The following UPF3A variants were observed in gnomAD, a reference collection of about 807,000 sequenced individuals.
The protein encoded by UPF3A is regulator of nonsense transcripts 3A.
A neutral mutation model predicts 53.5 loss-of-function variants in UPF3A; 42 were observed. The observed-to-expected ratio is 0.78, with a 90% CI of 0.61 to 1.01. The LOEUF is 1.01. UPF3A is among the 50% of genes least tolerant of loss of function. UPF3A has a pLI of 0.00. For synonymous variants in UPF3A, 237 were observed against 225.3 expected, an observed-to-expected ratio of 1.05 and a Z score of -0.47; for missense variants, 575 against 598.0, an observed-to-expected ratio of 0.96 and a Z score of 0.40.
intron 7 of UPF3A, among the ~76,000 whole-genome samples, chr13:114,292,059 C>T (rs761923882): frequency 1.7e-4 from 26 of 151,680 alleles, no homozygotes; most frequent in Non-Finnish European, 3.1e-4. Context: ...AGGAGCCCCA[C>T]GCTGGCACAC....
Position 114,282,137 on chromosome 13 carries a change from G to T in UPF3A, c.314+10G>T. 6.5e-7 allele frequency: 1 copy of T among 1,544,506 alleles called. No homozygotes were observed. On this transcript the variant is annotated intron_variant, in intron 2 of 9. Coordinates refer to ENST00000375299, the MANE Select transcript of UPF3A (RefSeq NM_023011.4). ...TCGCCGCCGACCTGAGGTGAGGCCCGCCCCGAGGGGAGGAAGAGAGGGCGG... is the reference window on the plus strand; with the variant it reads ...TCGCCGCCGACCTGAGGTGAGGCCCTCCCCGAGGGGAGGAAGAGAGGGCGG...
In UPF3A at chr13:114,296,330, C is replaced by G. The variant is rs368969377; in HGVS notation, c.847-2510C>G. Among the ~76,000 whole-genome samples the G allele has an allele frequency of 2.0e-5, 3 of 152,102 alleles. No individual in the cohort carries two copies. The South Asian group carries it at 6.2e-4, about 32-fold the overall frequency. Reference sequence around the variant, plus strand: ...CCCAGGAGGCGAAGGTACAGTGAGCCGAGATCGCGTCACTGCAGTCTAGCT... The same window carrying G: ...CCCAGGAGGCGAAGGTACAGTGAGCGGAGATCGCGTCACTGCAGTCTAGCT... On this transcript the variant is annotated intron_variant, in intron 7 of 9. Coordinates refer to ENST00000375299, the MANE Select transcript of UPF3A (RefSeq NM_023011.4).
intron 7 of UPF3A, among the ~76,000 whole-genome samples, chr13:114,293,539 G>T (rs1265809619): frequency 6.6e-6 from 1 of 152,090 alleles, no homozygotes; most frequent in Non-Finnish European, 1.5e-5. Flanking sequence ...TTCTGTGACT[G>T]ATACATTCAT....
intron 2 of UPF3A, 90 bp downstream of exon 2, chr13:114,282,217 T>A: frequency 8.8e-7 from 1 of 1,130,288 alleles, no homozygotes; most frequent in Non-Finnish European, 1.2e-6. Flanking sequence ...CTTACCCTGA[T>A]TTCTCCTATA....
At chr13:114,292,615 C>T (rs1294116492) in intron 7 of UPF3A, among the ~76,000 whole-genome samples, 2 of 148,944 alleles carry the variant, frequency 1.3e-5, no homozygotes, top group Admixed American at 6.6e-5. Flanking sequence ...CGGTTCAAGG[C>T]GTACACGTGC....
At chr13:114,286,066 C>T (rs2084654793) in intron 3 of UPF3A, 2 of 486,974 alleles carry the variant, frequency 4.1e-6, no homozygotes, top group East Asian at 6.5e-5. Flanking sequence ...AGGAGTTCAT[C>T]CTTGTTTAAG....
intron 8 of UPF3A, among the ~76,000 whole-genome samples, 173 bp downstream of exon 8, chr13:114,299,173 G>A (rs944507545): frequency 1.3e-5 from 2 of 152,134 alleles, no homozygotes; most frequent in Non-Finnish European, 1.5e-5. Context: ...TAGTGAACTC[G>A]TCTTGTCTGC....
rs1220527383 is a variant in UPF3A at position 114,281,632 on chromosome 13, AGT to A, written c.-6_-5del. On this transcript the variant is annotated 5_prime_UTR_variant, in exon 1 of 10. Transcript: ENST00000375299. ...GGCTGGCGGCTGCGGCTCGGCGGAG[AGT>A]GCGGCATGCGCTCGGAAAAGGAGGG... 4.9e-6 allele frequency: 7 copies of A among 1,426,648 alleles called. No homozygotes were observed. In the African/African-American group the frequency reaches 1.0e-4, roughly 21 times the overall value. 88.4% of individuals were successfully genotyped at this position (1,426,648 alleles called of 1,614,324 possible). A position where few individuals can be genotyped will look rare whatever the true frequency, so the allele number is the denominator to read the frequency against.
At chr13:114,288,858 T>G (rs2084995006) in intron 5 of UPF3A, among the ~76,000 whole-genome samples, 1 of 152,156 alleles carries the variant, frequency 6.6e-6, no homozygotes, top group Non-Finnish European at 1.5e-5. Flanking sequence ...GAGATTTCAC[T>G]TAAGAACTTG....
At chr13:114,295,617 C>G (rs1474427217) in intron 7 of UPF3A, among the ~76,000 whole-genome samples, 1 of 152,248 alleles carries the variant, frequency 6.6e-6, no homozygotes, top group Non-Finnish European at 1.5e-5. Flanking sequence ...GCTTTACTCT[C>G]CCTTCATGTC....
At chr13:114,298,691 A>G (rs576275006) in intron 7 of UPF3A, 149 bp from the exon 8 acceptor site, 2 of 817,792 alleles carry the variant, frequency 2.4e-6, no homozygotes, top group Admixed American at 3.7e-5. Context: ...GTATTAAACC[A>G]AAAACCTCAT....
intron 5 of UPF3A, among the ~76,000 whole-genome samples, chr13:114,288,760 T>G (rs2084985741): frequency 6.6e-6 from 1 of 152,096 alleles, no homozygotes; most frequent in African/African-American, 2.4e-5. Context: ...GAATTAAGAC[T>G]CCAGTGCTTG....
chr13:114,282,228 T>C (rs1330486859), intron 2 of UPF3A, 101 bp downstream of exon 2: 2 of 981,638 alleles, frequency 2.0e-6, no homozygotes, highest in Non-Finnish European at 2.9e-6. Context: ...TTCTCCTATA[T>C]GGGAGTCGTG....
Position 114,281,774 on chromosome 13 carries a change from G to C in UPF3A, c.135G>C (p.Pro45=), listed in dbSNP as rs773684401. The change falls in exon 1 of 10, where the codon CCG becomes CCC. Residue 45 remains proline (P), a synonymous_variant. Transcript: ENST00000375299. ...CGCAGCAGCAGGAGGCTGAGACGCC[G>C]CCAACTTCGTCCTCCGGTTGCGGGG... ...RDSQQQEAET[P]PTSSSGCGGG... The C allele has an allele frequency of 6.4e-7, 1 of 1,556,364 alleles. No homozygotes were observed. Among genetic ancestry groups the C allele is most frequent in the African/African-American group, 1.4e-5 (1 of 73,062 alleles).
intron 7 of UPF3A, among the ~76,000 whole-genome samples, chr13:114,298,328 G>A (rs771873339): frequency 1.3e-5 from 2 of 151,544 alleles, no homozygotes; most frequent in Non-Finnish European, 2.9e-5. Context: ...AGCCAAGATC[G>A]TGCCATTGCA....
chr13:114,303,984 C>T (rs74116889), intron 9 of UPF3A, among the ~76,000 whole-genome samples: 4,261 of 152,244 alleles, frequency 0.028, 203 homozygotes, highest in African/African-American at 0.098. Context: ...GCTGGTGAAT[C>T]CTGGAGAAGG....
At chr13:114,282,765 A>G in intron 2 of UPF3A, 72 bp from the exon 3 acceptor site, 1 of 1,548,738 alleles carries the variant, frequency 6.5e-7, no homozygotes, top group Admixed American at 2.0e-5. Context: ...TGCCCAGAAA[A>G]GGAAAAAGAG....
Position 114,281,854 on chromosome 13 carries a change from CG to C in UPF3A, c.207+13del. 7 of 1,398,734 alleles carry C rather than the reference CG, an allele frequency of 5.0e-6. No individual in the cohort carries two copies. The highest frequency in any genetic ancestry group is 5.7e-6 in the Non-Finnish European group (6 of 1,053,372). 86.6% of individuals were successfully genotyped at this position (1,398,734 alleles called of 1,614,324 possible). A position where few individuals can be genotyped will look rare whatever the true frequency, so the allele number is the denominator to read the frequency against. On this transcript the variant is annotated intron_variant, in intron 1 of 9. Coordinates refer to ENST00000375299, the MANE Select transcript of UPF3A (RefSeq NM_023011.4). ...AGGACGGCCCTGAGCAAGGTGGGGA[CG>C]GGGGCGGGGCGCGCAAACCTCGCGA...
chr13:114,286,562 A>G lies in UPF3A; in HGVS notation c.564A>G (p.Glu188=). The G allele has an allele frequency of 6.2e-7, 1 of 1,614,060 alleles. No homozygotes were observed. Among genetic ancestry groups the G allele is most frequent in the South Asian group, 1.1e-5 (1 of 91,056 alleles). The part of the protein sequence containing the change: ...KKFLETYCVE[E]EKTSANPETL... ...TTTTAGAAACCTACTGTGTGGAGGA[A>G]GAGAAGACCAGTGCCAACCCTGAGA... Residue 188 remains glutamate (E), a synonymous_variant, in exon 5 of 10, where the codon GAA becomes GAG. Transcript: ENST00000375299.
Sources: allele counts gnomAD v4.1 joint callset (sites outside exome capture counted in the v4.1 genomes callset), GRCh38; gene constraint gnomAD v4.1.1; transcripts MANE v1.5; gene names NCBI Gene and HGNC (gene_info 2026-07-23, HGNC 2026-07-21).